The following NEK11 variants were observed in gnomAD, a reference collection of about 807,000 sequenced individuals.
NEK11 encodes NIMA related kinase 11.
NEK11 carries 72 observed loss-of-function variants against 80.7 expected under a neutral mutation model. The ratio of observed to expected loss-of-function variants is 0.89; its 90% CI spans 0.74 to 1.08. NEK11 has a LOEUF of 1.08. Ranked by LOEUF, NEK11 falls within the 50% of genes least tolerant of loss-of-function variation. The pLI is 0.00. For missense variants in NEK11, 764 were observed against 763.6 expected, an observed-to-expected ratio of 1.00 and a Z score of -0.01; for synonymous variants, 251 against 260.7, an observed-to-expected ratio of 0.96 and a Z score of 0.36.
chr3:131,245,557 C>A (rs553332114), intron 16 of NEK11, among the ~76,000 whole-genome samples: 4 of 152,132 alleles, frequency 2.6e-5, no homozygotes, highest in East Asian at 3.9e-4. Context: ...ATATTCCTAC[C>A]AAAATACTGT....
intron 5 of NEK11, among the ~76,000 whole-genome samples, chr3:131,114,179 G>T (rs2080627546): frequency 6.6e-6 from 1 of 151,962 alleles, no homozygotes; most frequent in African/African-American, 2.4e-5. Context: ...ATTTAATTTA[G>T]TATAAAACAT....
intron 4 of NEK11, among the ~76,000 whole-genome samples, chr3:131,093,688 G>C (rs1387915027): frequency 6.6e-6 from 1 of 152,058 alleles, no homozygotes; most frequent in African/African-American, 2.4e-5. Flanking sequence ...TTACAGGCGT[G>C]AGCCACTGCG....
intron 16 of NEK11, among the ~76,000 whole-genome samples, chr3:131,258,197 T>C (rs2095851188): frequency 6.6e-6 from 1 of 151,976 alleles, no homozygotes; most frequent in African/African-American, 2.4e-5. Flanking sequence ...AATAAAAGAC[T>C]ACACATGGGG....
chr3:131,237,180 A>T (rs1200617493), intron 15 of NEK11, among the ~76,000 whole-genome samples: 1 of 152,038 alleles, frequency 6.6e-6, no homozygotes, highest in South Asian at 2.1e-4. Flanking sequence ...TCTCTACAAA[A>T]AAATTTTAAA....
chr3:131,037,297 T>TA (rs953724088), intron 3 of NEK11, among the ~76,000 whole-genome samples: 3 of 151,944 alleles, frequency 2.0e-5, no homozygotes, highest in Non-Finnish European at 4.4e-5. Context: ...CATTTTTTTT[T>TA]TTTTTGAGAC....
At chr3:131,218,087 G>A (rs1204182344) in intron 14 of NEK11, among the ~76,000 whole-genome samples, 1 of 152,142 alleles carries the variant, frequency 6.6e-6, no homozygotes, top group Non-Finnish European at 1.5e-5. Flanking sequence ...GACTTTGCTG[G>A]CACCTGACTA....
intron 16 of NEK11, among the ~76,000 whole-genome samples, chr3:131,250,952 A>G (rs1011798247): frequency 6.6e-6 from 1 of 152,090 alleles, no homozygotes; most frequent in South Asian, 2.1e-4. Context: ...TTAGCTGTAT[A>G]CAATATTTGC....
At chr3:131,052,614 C>T (rs927133706) in intron 3 of NEK11, among the ~76,000 whole-genome samples, 19 of 152,112 alleles carry the variant, frequency 1.2e-4, no homozygotes, top group African/African-American at 1.9e-4. Flanking sequence ...ACCTTGCCAC[C>T]GTATGTCTCT....
At chr3:131,123,110 A>G (rs755077066) in intron 5 of NEK11, among the ~76,000 whole-genome samples, 19 of 152,224 alleles carry the variant, frequency 1.2e-4, no homozygotes, top group Admixed American at 3.9e-4. Flanking sequence ...AGCCAAACAT[A>G]GGATAAAATT....
rs1203247290 is a variant in NEK11, at chr3:131,162,316, A to G, written c.963-92A>G. ...CCTGTCTCAAGATGCTTTTGCTCTC[A>G]GTAGTGTAGTGATACTTTTATAAAA... On this transcript the variant is annotated intron_variant, in intron 10 of 17. Transcript: ENST00000383366. 1.9e-5 allele frequency: 28 copies of G among 1,474,066 alleles called. No homozygotes were observed. In the East Asian group the frequency reaches 2.1e-4, roughly 11 times the overall value. 91.3% of individuals were successfully genotyped at this position (1,474,066 alleles called of 1,614,324 possible).
chr3:131,056,306 C>A (rs1171119832), intron 3 of NEK11, among the ~76,000 whole-genome samples: 8 of 152,314 alleles, frequency 5.3e-5, no homozygotes, highest in African/African-American at 1.7e-4. Flanking sequence ...ACATGGTCTC[C>A]TTGCCTATGT....
chr3:131,276,990 G>A lies in NEK11; in HGVS notation c.1718+3416G>A, dbSNP rs181755579. On this transcript the variant is annotated intron_variant, in intron 17 of 17. Transcript: ENST00000383366. ...TTCATGACACTGACATTTTTGAAGA[G>A]TGCAGGCCAGTTGTTTTGTAAGATA... Among the ~76,000 whole-genome samples, 365 of 152,266 alleles carry A rather than the reference G, an allele frequency of 2.4e-3. 1 individual carries two copies. Among genetic ancestry groups the A allele is most frequent in the Middle Eastern group, 0.014 (4 of 294 alleles).
chr3:131,226,836 T>C (rs1308811615), intron 14 of NEK11, among the ~76,000 whole-genome samples: 2 of 152,286 alleles, frequency 1.3e-5, no homozygotes, highest in South Asian at 2.1e-4. Context: ...AAGTTCTATA[T>C]GCATGTACAT....
At chr3:131,212,890 C>T (rs1220684370) in intron 14 of NEK11, among the ~76,000 whole-genome samples, 1 of 152,102 alleles carries the variant, frequency 6.6e-6, no homozygotes, top group Non-Finnish European at 1.5e-5. Flanking sequence ...TTTTAAGATG[C>T]AATTAATATT....
At chr3:131,055,063 T>A (rs2069197285) in intron 3 of NEK11, among the ~76,000 whole-genome samples, 1 of 152,156 alleles carries the variant, frequency 6.6e-6, no homozygotes, top group Non-Finnish European at 1.5e-5. Flanking sequence ...ATGGCATCCC[T>A]GGGGCAAGAG....
At chr3:131,157,016 C>G (rs1056026304) in intron 10 of NEK11, among the ~76,000 whole-genome samples, 12 of 151,316 alleles carry the variant, frequency 7.9e-5, no homozygotes, top group African/African-American at 2.9e-4. Flanking sequence ...AAGTGAGGCC[C>G]TTGACCCTGT....
At chr3:131,345,696 A>G in intron 17 of NEK11, among the ~76,000 whole-genome samples, 1 of 152,208 alleles carries the variant, frequency 6.6e-6, no homozygotes, top group East Asian at 1.9e-4. Context: ...TACCCAAAGG[A>G]GAAGAAAATA....
chr3:131,270,253 G>A (rs538045114), intron 16 of NEK11, among the ~76,000 whole-genome samples: 58 of 152,298 alleles, frequency 3.8e-4, no homozygotes, highest in African/African-American at 1.3e-3. Context: ...GGATTTCTGC[G>A]TTGTCATTTA....
At chr3:131,129,326 T>G (rs189049035) in intron 5 of NEK11, among the ~76,000 whole-genome samples, 5 of 152,344 alleles carry the variant, frequency 3.3e-5, no homozygotes, top group Admixed American at 2.6e-4. Flanking sequence ...AGTGCTGGGA[T>G]TACAGGCTTG....
Sources: gnomAD v4.1 joint callset for allele counts (sites outside exome capture counted in the v4.1 genomes callset) on GRCh38, gnomAD v4.1.1 for gene constraint, MANE v1.5 for transcripts, NCBI Gene and HGNC (gene_info 2026-07-23, HGNC 2026-07-21) for gene names.